Variants in PHC3 observed in about 807,000 individuals in gnomAD.
The protein encoded by PHC3 is polyhomeotic homolog 3, also known as polyhomeotic-like protein 3.
PHC3 carries 13 observed loss-of-function variants against 107.4 expected under a neutral mutation model. The ratio of observed to expected loss-of-function variants is 0.12; its 90% CI spans 0.08 to 0.19. The LOEUF (loss-of-function observed/expected upper bound fraction) is 0.19. Among genes scored for constraint, PHC3 ranks in the 10% least tolerant of loss-of-function variants. PHC3 has a pLI of 1.00. For synonymous variants in PHC3, 456 were observed against 427.4 expected, an observed-to-expected ratio of 1.07 and a Z score of -0.83; for missense variants, 992 against 1,210.9, an observed-to-expected ratio of 0.82 and a Z score of 2.68.
rs1713662401 is a variant in PHC3 at position 170,087,983 on chromosome 3, C to A, written c.*9247G>T. 2.0e-5 allele frequency: 3 copies of A among 152,076 alleles called. No homozygotes were observed. Among genetic ancestry groups the A allele is most frequent in the Admixed American group, 1.3e-4 (2 of 15,270 alleles). 9.4% of individuals were successfully genotyped at this position (152,076 alleles called of 1,614,324 possible). ...TTTACATAGATCAAATGTGCTCTTA[C>A]AATGCAAAATTAACCTTCATTTTCA... is the stretch of plus-strand genomic sequence containing the variant. On this transcript the variant is annotated 3_prime_UTR_variant, in exon 15 of 15. Transcript: ENST00000495893.
chr3:170,100,942 TG>T (rs1282461226), intron 14 of PHC3, among the ~76,000 whole-genome samples: 1 of 152,274 alleles, frequency 6.6e-6, no homozygotes, highest in East Asian at 1.9e-4. Context: ...GTGCCCTACC[TG>T]GAAGAGTGAC....
chr3:170,138,149 T>C (rs1723426688), intron 6 of PHC3, among the ~76,000 whole-genome samples: 1 of 151,922 alleles, frequency 6.6e-6, no homozygotes, highest in Admixed American at 6.6e-5. Flanking sequence ...GCCAAGATAT[T>C]GCGCCATTGC....
In PHC3 at chr3:170,094,468, C is replaced by T. The variant is rs1714427973; in HGVS notation, c.*2762G>A. 6.6e-6 allele frequency: 1 copy of T among 152,104 alleles called. No homozygotes were observed. The highest frequency in any genetic ancestry group is 2.1e-4 in the South Asian group (1 of 4,832). The allele number at this position is 152,104 out of a possible 1,614,324, so 9.4% of individuals were successfully genotyped here. A position where few individuals can be genotyped will look rare whatever the true frequency, so the allele number is the denominator to read the frequency against. The stretch of plus-strand genomic sequence containing the variant: ...GTTCCCTTTCTGTTTGTCATTATCT[C>T]TCCCCAGTCAAAATCCTAAAACTAT... On this transcript the variant is annotated 3_prime_UTR_variant, in exon 15 of 15. Coordinates refer to ENST00000495893, the MANE Select transcript of PHC3 (RefSeq NM_024947.4).
rs183630745 is a variant in PHC3, at chr3:170,141,668, G to A, written c.672+3755C>T. Among the ~76,000 whole-genome samples, 221 of 152,224 alleles carry A rather than the reference G, an allele frequency of 1.5e-3. 1 individual carries two copies. The highest frequency in any genetic ancestry group is 5.1e-3 in the African/African-American group (212 of 41,516). On this transcript the variant is annotated intron_variant, in intron 6 of 14. Coordinates refer to ENST00000495893, the MANE Select transcript of PHC3 (RefSeq NM_024947.4). ...ACTTTGCTACCCAGTCTGGAATGCA[G>A]TGGCTCGATCTTGGCTCACTGCAGC... is the stretch of plus-strand genomic sequence containing the variant.
chr3:170,176,422 C>A (rs959947482), intron 2 of PHC3, among the ~76,000 whole-genome samples: 9 of 151,972 alleles, frequency 5.9e-5, no homozygotes, highest in Admixed American at 5.2e-4. Context: ...GGGGTATCCA[C>A]CATGGAAAAA....
At chr3:170,134,992 C>T (rs1296262991) in intron 7 of PHC3, among the ~76,000 whole-genome samples, 1 of 152,080 alleles carries the variant, frequency 6.6e-6, no homozygotes, top group African/African-American at 2.4e-5. Context: ...AGTATTAACA[C>T]AGGAAACTTG....
At position 170,097,471 on chromosome 3, in the gene PHC3, G is replaced by A; in HGVS notation, c.2834-87C>T. On this transcript the variant is annotated intron_variant, in intron 14 of 14. Coordinates refer to ENST00000495893, the MANE Select transcript of PHC3 (RefSeq NM_024947.4). The surrounding 1 kb of genome is among the most constrained non-coding windows in gnomAD (Gnocchi z 4.1). ...AACAGTCACAGTTATGCTCTCACTG[G>A]GTCTGAGAATCTGAAATACAGGCTG... is the stretch of plus-strand genomic sequence containing the variant. 2.3e-6 allele frequency: 3 copies of A among 1,278,060 alleles called. No individual in the cohort carries two copies. The highest frequency in any genetic ancestry group is 3.1e-6 in the Non-Finnish European group (3 of 959,340). 79.2% of individuals were successfully genotyped at this position (1,278,060 alleles called of 1,614,324 possible). A position where few individuals can be genotyped will look rare whatever the true frequency, so the allele number is the denominator to read the frequency against.
intron 11 of PHC3, among the ~76,000 whole-genome samples, chr3:170,109,595 C>T (rs1440417145): frequency 6.6e-6 from 1 of 152,086 alleles, no homozygotes; most frequent in African/African-American, 2.4e-5. Context: ...ATCTAGATCC[C>T]CCATTTTCTG....
chr3:170,176,288 T>TA (rs1405764160), intron 2 of PHC3, among the ~76,000 whole-genome samples: 5 of 148,692 alleles, frequency 3.4e-5, no homozygotes, highest in South Asian at 2.1e-4. Flanking sequence ...CAGAGAAAGG[T>TA]AAAAAACATT....
At chr3:170,145,627 C>T in intron 5 of PHC3, 106 bp from the exon 6 acceptor site, 1 of 673,692 alleles carries the variant, frequency 1.5e-6, no homozygotes, top group Admixed American at 3.2e-5. Flanking sequence ...AAAGACAATG[C>T]AGTTTAGGAT....
chr3:170,088,630 A>T lies in PHC3; in HGVS notation c.*8600T>A, dbSNP rs1422601902. 5.9e-5 allele frequency: 9 copies of T among 152,342 alleles called. No individual in the cohort carries two copies. The highest frequency in any genetic ancestry group is 5.9e-4 in the Admixed American group (9 of 15,304). The allele number at this position is 152,342 out of a possible 1,614,324, so 9.4% of individuals were successfully genotyped here. Reference sequence around the variant, plus strand: ...TCAGTTGACTTTTTAAAATTTAAGAATACATATACAAAAAGTACTTATGGA... The same window carrying T: ...TCAGTTGACTTTTTAAAATTTAAGATTACATATACAAAAAGTACTTATGGA... On this transcript the variant is annotated 3_prime_UTR_variant, in exon 15 of 15. Coordinates refer to ENST00000495893, the MANE Select transcript of PHC3 (RefSeq NM_024947.4).
intron 4 of PHC3, among the ~76,000 whole-genome samples, chr3:170,152,337 A>ATTTTTTTT (rs1220193435): frequency 2.5e-4 from 30 of 122,152 alleles, no homozygotes; most frequent in African/African-American, 5.6e-4. Flanking sequence ...CGCCTGGCTA[A>ATTTTTTTT]TTTTTTTTTT....
chr3:170,128,615 C>T (rs1280631585), intron 8 of PHC3, 69 bp downstream of exon 8: 14 of 1,509,332 alleles, frequency 9.3e-6, no homozygotes, highest in Non-Finnish European at 1.2e-5. Flanking sequence ...TGCAATAAAA[C>T]ATAGTGTGGG....
chr3:170,163,077 C>T (rs1728151952), intron 4 of PHC3, among the ~76,000 whole-genome samples: 1 of 152,080 alleles, frequency 6.6e-6, no homozygotes, highest in Admixed American at 6.5e-5. Context: ...TCCCTAGCTC[C>T]ATGAGGAAAG....
chr3:170,118,677 C>T (rs953471247), intron 9 of PHC3, among the ~76,000 whole-genome samples: 1 of 152,098 alleles, frequency 6.6e-6, no homozygotes, highest in African/African-American at 2.4e-5. Context: ...TGCCAAATTG[C>T]TGGTATTACA....
chr3:170,174,279 T>A (rs1475895374), intron 2 of PHC3, among the ~76,000 whole-genome samples: 5 of 152,092 alleles, frequency 3.3e-5, no homozygotes, highest in African/African-American at 9.7e-5. Flanking sequence ...ATTTAAAAAA[T>A]TTTTAAATGT....
intron 4 of PHC3, chr3:170,170,672 G>A (rs1187096144): frequency 6.6e-6 from 1 of 151,922 alleles, no homozygotes; most frequent in East Asian, 1.9e-4. Flanking sequence ...TACATGTAGT[G>A]GAAAAGAATG....
intron 10 of PHC3, among the ~76,000 whole-genome samples, chr3:170,114,874 C>T (rs902969066): frequency 1.3e-5 from 2 of 152,156 alleles, no homozygotes; most frequent in African/African-American, 4.8e-5. Flanking sequence ...TAATTACTCA[C>T]AAACTTTTTA....
intron 11 of PHC3, among the ~76,000 whole-genome samples, chr3:170,108,792 A>AGGG (rs2108309391): frequency 6.6e-6 from 1 of 152,328 alleles, no homozygotes; most frequent in South Asian, 2.1e-4. Flanking sequence ...GAAAGAGTCC[A>AGGG]TTCCTCAGGG....
Sources: gnomAD v4.1 joint callset for allele counts (sites outside exome capture counted in the v4.1 genomes callset) on GRCh38, gnomAD v4.1.1 for gene constraint, Gnocchi (gnomAD v3.1) non-coding constraint, MANE v1.5 for transcripts, NCBI Gene and HGNC (gene_info 2026-07-23, HGNC 2026-07-21) for gene names.